Variants in NPSR1 observed in about 807,000 individuals in gnomAD.
NPSR1 encodes the protein neuropeptide S receptor.
In NPSR1, 48 loss-of-function variants were observed where a neutral mutation model predicts 46.9. That is an observed-to-expected ratio of 1.02 (90% CI 0.81 to 1.30). NPSR1 has a LOEUF of 1.30. Among genes scored for constraint, NPSR1 ranks in the 50% most tolerant of loss-of-function variants. The probability of loss-of-function intolerance (pLI) is 0.00; values close to 1 mark genes in which losing one functional copy is unlikely to be tolerated. For missense variants in NPSR1, 450 were observed against 449.5 expected, an observed-to-expected ratio of 1.00 and a Z score of -0.01; for synonymous variants, 176 against 168.1, an observed-to-expected ratio of 1.05 and a Z score of -0.36.
intron 4 of NPSR1, among the ~76,000 whole-genome samples, chr7:34,825,165 G>A (rs1225222758): frequency 1.3e-5 from 2 of 152,108 alleles, no homozygotes; most frequent in Non-Finnish European, 2.9e-5. Flanking sequence ...CCACCTCCAG[G>A]CCTTTTCTCC....
chr7:34,745,096 A>G (rs983906617), intron 2 of NPSR1, among the ~76,000 whole-genome samples: 3 of 152,232 alleles, frequency 2.0e-5, no homozygotes, highest in Non-Finnish European at 4.4e-5. Flanking sequence ...ATGGAAACCA[A>G]TAACCCCATA....
intron 1 of NPSR1, among the ~76,000 whole-genome samples, chr7:34,673,800 T>C (rs773973899): frequency 1.9e-4 from 29 of 152,228 alleles, no homozygotes; most frequent in Admixed American, 3.3e-4. Context: ...GATTTCTTAC[T>C]TTTTTGTGAA....
chr7:34,717,324 GT>G (rs1457663623), intron 2 of NPSR1, among the ~76,000 whole-genome samples: 1 of 152,158 alleles, frequency 6.6e-6, no homozygotes, highest in Non-Finnish European at 1.5e-5. Flanking sequence ...TAGAGACAGG[GT>G]TTCTCCATGT....
At chr7:34,729,137 GA>G (rs1327931828) in intron 2 of NPSR1, among the ~76,000 whole-genome samples, 1 of 152,092 alleles carries the variant, frequency 6.6e-6, no homozygotes, top group Non-Finnish European at 1.5e-5. Context: ...CCACAGTCCA[GA>G]ACCACCTTCA....
intron 1 of NPSR1, among the ~76,000 whole-genome samples, chr7:34,668,362 A>C (rs776916142): frequency 6.6e-6 from 1 of 152,232 alleles, no homozygotes; most frequent in Non-Finnish European, 1.5e-5. Context: ...CTAAGAATAC[A>C]TTTATTCCTT....
intron 8 of NPSR1, chr7:34,849,342 C>T: frequency 1.9e-6 from 3 of 1,550,886 alleles, no homozygotes; most frequent in South Asian, 1.2e-5. Context: ...CAGTGTCTAC[C>T]TGTTGGCCTG....
chr7:34,791,815 T>C (rs1323783179), intron 3 of NPSR1, among the ~76,000 whole-genome samples: 1 of 152,088 alleles, frequency 6.6e-6, no homozygotes, highest in African/African-American at 2.4e-5. Flanking sequence ...GAAGCTACAG[T>C]AATCGAAACA....
chr7:34,711,706 T>C (rs1022547237), intron 2 of NPSR1, among the ~76,000 whole-genome samples: 1 of 152,220 alleles, frequency 6.6e-6, no homozygotes, highest in Non-Finnish European at 1.5e-5. Flanking sequence ...GCACATAAAA[T>C]GCCTAGCCCA....
At chr7:34,722,492 T>C (rs1053484544) in intron 2 of NPSR1, among the ~76,000 whole-genome samples, 1 of 152,240 alleles carries the variant, frequency 6.6e-6, no homozygotes, top group Admixed American at 6.5e-5. Flanking sequence ...TTCTGTTTTA[T>C]ATTGATTTGT....
chr7:34,715,861 A>T (rs10239860), intron 2 of NPSR1, among the ~76,000 whole-genome samples: 21,847 of 152,204 alleles, frequency 0.14, 2,077 homozygotes, highest in East Asian at 0.34. Context: ...TGGGTGGTGA[A>T]TAGCACCTGG....
At chr7:34,846,092 T>C (rs188707702) in intron 7 of NPSR1, among the ~76,000 whole-genome samples, 2 of 152,208 alleles carry the variant, frequency 1.3e-5, no homozygotes, top group Non-Finnish European at 2.9e-5. Context: ...ATAAAACATA[T>C]ACAACCCACC....
chr7:34,792,727 A>ATT (rs1787989153), intron 3 of NPSR1, among the ~76,000 whole-genome samples: 1 of 81,722 alleles, frequency 1.2e-5, no homozygotes, highest in Non-Finnish European at 2.7e-5. Flanking sequence ...ATATATATAT[A>ATT]TATATATTAG....
At chr7:34,747,609 GACACACACACACATACAC>G (rs1562698860) in intron 2 of NPSR1, among the ~76,000 whole-genome samples, 1 of 147,054 alleles carries the variant, frequency 6.8e-6, no homozygotes, top group African/African-American at 2.5e-5. Flanking sequence ...AGGCATCTTA[GACACACACACACATACAC>G]ACACACACAC....
chr7:34,852,034 A>C (rs1300517475), downstream of NPSR1, among the ~76,000 whole-genome samples: 2 of 152,176 alleles, frequency 1.3e-5, no homozygotes, highest in African/African-American at 4.8e-5. Context: ...ACAGTGGCTC[A>C]CACCTGTAAT....
At chr7:34,842,636 C>G (rs1024802627) in intron 6 of NPSR1, among the ~76,000 whole-genome samples, 3 of 152,198 alleles carry the variant, frequency 2.0e-5, no homozygotes, top group Admixed American at 1.3e-4. Context: ...TTTGAAGACC[C>G]TAATAGTAGT....
At chr7:34,842,311 C>G (rs151159953) in intron 6 of NPSR1, among the ~76,000 whole-genome samples, 68 of 152,258 alleles carry the variant, frequency 4.5e-4, no homozygotes, top group African/African-American at 1.5e-3. Context: ...AGCCTGTGTC[C>G]TTCCCAAGAT....
chr7:34,776,672 TTGG>T (rs1786973104), intron 2 of NPSR1, among the ~76,000 whole-genome samples: 1 of 152,224 alleles, frequency 6.6e-6, no homozygotes, highest in South Asian at 2.1e-4. Flanking sequence ...GTTCAGCCAC[TTGG>T]TGACTTTTGA....
At chr7:34,853,762 C>T (rs539097400), downstream of NPSR1, among the ~76,000 whole-genome samples, 3 of 152,100 alleles carry the variant, frequency 2.0e-5, no homozygotes, top group East Asian at 1.9e-4. Context: ...AACAGGAGTT[C>T]GAGACCATCC....
At chr7:34,821,467 C>T (rs756981262) in intron 4 of NPSR1, among the ~76,000 whole-genome samples, 1 of 151,998 alleles carries the variant, frequency 6.6e-6, no homozygotes, top group Non-Finnish European at 1.5e-5. Flanking sequence ...TATGCCTAGC[C>T]GACTTTAGAA....
Sources: gnomAD v4.1 joint callset for allele counts (sites outside exome capture counted in the v4.1 genomes callset) on GRCh38, gnomAD v4.1.1 for gene constraint, MANE v1.5 for transcripts, NCBI Gene and HGNC (gene_info 2026-07-23, HGNC 2026-07-21) for gene names.